NCKAP5: variants seen among roughly 807,000 people sequenced by gnomAD.
NCKAP5 encodes the protein NCK associated protein 5.
NCKAP5 carries 92 observed loss-of-function variants against 167.0 expected under a neutral mutation model. The observed-to-expected ratio is 0.55, with a 90% CI of 0.47 to 0.66. NCKAP5 has a LOEUF of 0.66. Among genes scored for constraint, NCKAP5 ranks in the 30% least tolerant of loss-of-function variants. The pLI is 0.00. For synonymous variants in NCKAP5, 891 were observed against 877.4 expected, an observed-to-expected ratio of 1.02 and a Z score of -0.27; for missense variants, 2,378 against 2,315.0, an observed-to-expected ratio of 1.03 and a Z score of -0.56.
intron 3 of NCKAP5, among the ~76,000 whole-genome samples, chr2:133,394,170 C>G (rs1465032304): frequency 6.6e-6 from 1 of 152,240 alleles, no homozygotes; most frequent in East Asian, 1.9e-4. Context: ...TTCATTCACT[C>G]TTTCAACACA....
At chr2:133,535,186 A>G (rs1007675935) in intron 2 of NCKAP5, among the ~76,000 whole-genome samples, 1 of 152,148 alleles carries the variant, frequency 6.6e-6, no homozygotes, top group African/African-American at 2.4e-5. Flanking sequence ...GTTTTGTTTC[A>G]TGCATATATT....
chr2:133,222,821 A>G (rs2086713412), intron 4 of NCKAP5, among the ~76,000 whole-genome samples: 1 of 152,208 alleles, frequency 6.6e-6, no homozygotes, highest in South Asian at 2.1e-4. Flanking sequence ...AAATATGTAA[A>G]ATAGCAATGA....
intron 5 of NCKAP5, among the ~76,000 whole-genome samples, chr2:133,170,297 G>A (rs1203472455): frequency 6.6e-6 from 1 of 152,146 alleles, no homozygotes; most frequent in South Asian, 2.1e-4. Flanking sequence ...CTTCCTAGCT[G>A]TGGGACCTGG....
chr2:133,035,044 T>C (rs139042794), intron 6 of NCKAP5, among the ~76,000 whole-genome samples: 201 of 151,908 alleles, frequency 1.3e-3, no homozygotes, highest in African/African-American at 4.1e-3. Context: ...AAGACACACA[T>C]GGACTGAAAA....
At chr2:133,253,061 T>C (rs1022834797) in intron 4 of NCKAP5, among the ~76,000 whole-genome samples, 14 of 152,136 alleles carry the variant, frequency 9.2e-5, no homozygotes, top group African/African-American at 3.4e-4. Flanking sequence ...GATGCCAACC[T>C]CACCAAGACT....
chr2:133,179,411 T>C (rs527457048), intron 5 of NCKAP5, among the ~76,000 whole-genome samples: 1 of 151,852 alleles, frequency 6.6e-6, no homozygotes, highest in East Asian at 1.9e-4. Context: ...GTTTAACCTA[T>C]ACTCCAAAAG....
At chr2:133,213,650 C>A in intron 5 of NCKAP5, 66 bp downstream of exon 5, 1 of 1,525,044 alleles carries the variant, frequency 6.6e-7, no homozygotes, top group Non-Finnish European at 9.0e-7. Flanking sequence ...CTTAATGAGG[C>A]AAAGTAGCTT....
chr2:133,654,704 T>C, the NCKAP5 span, among the ~76,000 whole-genome samples: 1 of 152,206 alleles, frequency 6.6e-6, no homozygotes, highest in Non-Finnish European at 1.5e-5. Flanking sequence ...ACGTGGTTGG[T>C]ACTTAATAGT....
At chr2:133,133,462 C>T (rs557068698) in intron 5 of NCKAP5, among the ~76,000 whole-genome samples, 5 of 152,286 alleles carry the variant, frequency 3.3e-5, no homozygotes, top group Admixed American at 1.3e-4. Flanking sequence ...GATCTCAAAT[C>T]GCTGCACCAG....
intron 3 of NCKAP5, among the ~76,000 whole-genome samples, chr2:133,310,908 C>A (rs1681187756): frequency 6.6e-6 from 1 of 152,190 alleles, no homozygotes; most frequent in African/African-American, 2.4e-5. Flanking sequence ...GACAAGATGG[C>A]AGAAACAGTG....
intron 8 of NCKAP5, among the ~76,000 whole-genome samples, chr2:132,926,758 G>A (rs533859321): frequency 6.6e-6 from 1 of 151,950 alleles, no homozygotes; most frequent in Non-Finnish European, 1.5e-5. Flanking sequence ...TGAGTTCCTT[G>A]TAAATTCTGG....
intron 8 of NCKAP5, among the ~76,000 whole-genome samples, chr2:132,944,960 C>T (rs1410278932): frequency 6.6e-6 from 1 of 152,076 alleles, no homozygotes; most frequent in African/African-American, 2.4e-5. Context: ...TCTTTGGATT[C>T]CAGAGGCAAA....
At chr2:133,406,285 G>T (rs552166138) in intron 3 of NCKAP5, among the ~76,000 whole-genome samples, 2 of 152,288 alleles carry the variant, frequency 1.3e-5, no homozygotes, top group African/African-American at 4.8e-5. Context: ...CTAACAGAAA[G>T]AATCATTTTG....
intron 15 of NCKAP5, among the ~76,000 whole-genome samples, chr2:132,775,791 A>C (rs1421603388): frequency 6.6e-6 from 1 of 152,196 alleles, no homozygotes; most frequent in Non-Finnish European, 1.5e-5. Context: ...AACAACAAGG[A>C]AATCATATTT....
chr2:133,632,157 G>A, the NCKAP5 span, among the ~76,000 whole-genome samples: 1 of 152,202 alleles, frequency 6.6e-6, no homozygotes, highest in African/African-American at 2.4e-5. Flanking sequence ...GGAGGACTAG[G>A]GGAGGAATCA....
At chr2:133,183,318 CA>C (rs1574299878) in intron 5 of NCKAP5, among the ~76,000 whole-genome samples, 1 of 152,014 alleles carries the variant, frequency 6.6e-6, no homozygotes, top group Non-Finnish European at 1.5e-5. Context: ...AAAAAAACTA[CA>C]AATCAACATC....
chr2:132,944,095 C>T (rs1304712159), intron 8 of NCKAP5, among the ~76,000 whole-genome samples: 1 of 152,168 alleles, frequency 6.6e-6, no homozygotes, highest in East Asian at 1.9e-4. Flanking sequence ...CTGAATGGTG[C>T]AGGGACTTGA....
intron 4 of NCKAP5, among the ~76,000 whole-genome samples, chr2:133,248,994 G>T (rs1251803699): frequency 6.6e-6 from 1 of 152,098 alleles, no homozygotes; most frequent in Non-Finnish European, 1.5e-5. Context: ...CTCAGCGTCT[G>T]CCAGAGAGAT....
chr2:133,486,520 A>G (rs565017297), intron 3 of NCKAP5, among the ~76,000 whole-genome samples: 58 of 152,260 alleles, frequency 3.8e-4, no homozygotes, highest in African/African-American at 1.4e-3. Context: ...TCCTATACCT[A>G]CCTGTGATTT....
Sources: allele counts gnomAD v4.1 joint callset (sites outside exome capture counted in the v4.1 genomes callset), GRCh38; gene constraint gnomAD v4.1.1; transcripts MANE v1.5; gene names NCBI Gene and HGNC (gene_info 2026-07-23, HGNC 2026-07-21).